Variants in NIBAN2 observed in about 807,000 individuals in gnomAD.
NIBAN2 encodes protein Niban 2.
Under a neutral mutation model 81.8 loss-of-function variants are expected in NIBAN2, and 36 were observed. The ratio of observed to expected loss-of-function variants is 0.44; its 90% CI spans 0.34 to 0.58. The LOEUF is 0.58. Among genes scored for constraint, NIBAN2 ranks in the 20% least tolerant of loss-of-function variants. NIBAN2 has a pLI of 0.02. For missense variants in NIBAN2, 897 were observed against 1,014.1 expected, an observed-to-expected ratio of 0.88 and a Z score of 1.57; for synonymous variants, 445 against 441.6, an observed-to-expected ratio of 1.01 and a Z score of -0.10.
chr9:127,531,594 G>A, intron 2 of NIBAN2, 54 bp downstream of exon 2: 2 of 1,577,054 alleles, frequency 1.3e-6, no homozygotes, highest in South Asian at 2.2e-5. Flanking sequence ...ACTCCCCCGA[G>A]GCCACATGGC....
At chr9:127,541,267 A>G (rs1325376430) in intron 1 of NIBAN2, among the ~76,000 whole-genome samples, 1 of 152,214 alleles carries the variant, frequency 6.6e-6, no homozygotes, top group Non-Finnish European at 1.5e-5. Context: ...GGGCCTTTCT[A>G]CTTTCTACTT....
chr9:127,510,182 G>T lies in NIBAN2; in HGVS notation c.1125C>A (p.Asn375Lys). 1 of 1,613,798 alleles carries T rather than the reference G, an allele frequency of 6.2e-7. No individual in the cohort carries two copies. Among genetic ancestry groups the T allele is most frequent in the Non-Finnish European group, 8.5e-7 (1 of 1,179,784 alleles). ...TGTCAATGCCGCCCTCGTTGATGAC[G>T]TTCAGGTTCATGTCCGTGACCTCCT... ...FFKEVTDMNLNVINEGGIDKL... is the reference protein window; with the variant it reads ...FFKEVTDMNLKVINEGGIDKL... Residue 375 changes from asparagine (N) to lysine (K), a missense_variant, in exon 9 of 14, where the codon AAC becomes AAA. Coordinates refer to ENST00000373312, the MANE Select transcript of NIBAN2 (RefSeq NM_022833.4).
At chr9:127,530,982 C>T (rs1035593739) in intron 2 of NIBAN2, among the ~76,000 whole-genome samples, 1 of 152,082 alleles carries the variant, frequency 6.6e-6, no homozygotes, top group Non-Finnish European at 1.5e-5. Flanking sequence ...GAGTTTGAGA[C>T]CAGCCTGGGC....
Position 127,513,305 on chromosome 9 carries a change from A to G in NIBAN2, c.974-2972T>C, listed in dbSNP as rs189475264. 6.8e-4 allele frequency among the ~76,000 whole-genome samples: 104 copies of G among 152,260 alleles called. 1 individual carries two copies. The East Asian group carries it at 0.013, about 19-fold the overall frequency. ...TACTAGAGGCTGGAGAGGGTAGTCG[A>G]GGGCGAGGGGGAGATGGGAATGGTT... On this transcript the variant is annotated intron_variant, in intron 8 of 13. Coordinates refer to ENST00000373312, the MANE Select transcript of NIBAN2 (RefSeq NM_022833.4).
chr9:127,519,141 C>T (rs1252073146), intron 5 of NIBAN2, among the ~76,000 whole-genome samples: 3 of 135,400 alleles, frequency 2.2e-5, no homozygotes, highest in Non-Finnish European at 4.6e-5. Flanking sequence ...CGCCACTGCA[C>T]TCTAGCCTGG....
chr9:127,518,193 A>T (rs1351989856), intron 5 of NIBAN2, among the ~76,000 whole-genome samples: 1 of 152,034 alleles, frequency 6.6e-6, no homozygotes, highest in Non-Finnish European at 1.5e-5. Context: ...AATCCTCCCA[A>T]CCACCCCAAG....
In NIBAN2 at chr9:127,545,907, G is replaced by C. The variant is rs986070973; in HGVS notation, c.56-14129C>G. 7.9e-5 allele frequency among the ~76,000 whole-genome samples: 12 copies of C among 151,992 alleles called. No homozygotes were observed. The highest frequency in any genetic ancestry group is 2.9e-5 in the Non-Finnish European group (2 of 67,982). ...CCCCGCCTGCCTGGCAGCGGCCCCA[G>C]CCCACAGCCCACAGTGGCAGCTTGT... is the stretch of plus-strand genomic sequence containing the variant. On this transcript the variant is annotated intron_variant, in intron 1 of 13. Transcript: ENST00000373312. This position sits in a 1 kb window ranked among gnomAD's most constrained non-coding sequence, Gnocchi z 4.7.
chr9:127,554,099 G>A (rs1837624337), intron 1 of NIBAN2, among the ~76,000 whole-genome samples: 1 of 152,180 alleles, frequency 6.6e-6, no homozygotes, highest in Non-Finnish European at 1.5e-5. Context: ...GCCACTGGGG[G>A]CTCAGAGGCT....
chr9:127,532,863 T>C (rs1422311050), intron 1 of NIBAN2, among the ~76,000 whole-genome samples: 1 of 151,824 alleles, frequency 6.6e-6, no homozygotes, highest in African/African-American at 2.4e-5. Flanking sequence ...CAAGACCTCA[T>C]CCCTACAAAA....
At chr9:127,512,342 G>A (rs1411984018) in intron 8 of NIBAN2, among the ~76,000 whole-genome samples, 1 of 146,320 alleles carries the variant, frequency 6.8e-6, no homozygotes, top group Non-Finnish European at 1.5e-5. Flanking sequence ...CTGGAGTATA[G>A]TGGCTCGATC....
Position 127,508,314 on chromosome 9 carries a change from G to A in NIBAN2, c.1434+108C>T. The A allele has an allele frequency of 7.6e-7, 1 of 1,317,872 alleles. No homozygotes were observed. The highest frequency in any genetic ancestry group is 1.4e-5 in the African/African-American group (1 of 69,362). 81.6% of individuals were successfully genotyped at this position (1,317,872 alleles called of 1,614,324 possible). A position where few individuals can be genotyped will look rare whatever the true frequency, so the allele number is the denominator to read the frequency against. On this transcript the variant is annotated intron_variant, in intron 11 of 13. Coordinates refer to ENST00000373312, the MANE Select transcript of NIBAN2 (RefSeq NM_022833.4). This position sits in a 1 kb window ranked among gnomAD's most constrained non-coding sequence, Gnocchi z 6.4. ...CTCCGAGTCCTCATCCGCACAAGAG[G>A]ACCATGGCGCCTCCTTGCAGGGACA...
intron 1 of NIBAN2, 50 bp downstream of exon 1, chr9:127,568,770 C>T: frequency 8.0e-7 from 1 of 1,246,582 alleles, no homozygotes; most frequent in Non-Finnish European, 1.0e-6. Context: ...GGGCGTGGTC[C>T]GGGGGTTCCG....
At position 127,508,635 on chromosome 9, in the gene NIBAN2, C is replaced by A. The variant is rs1836665350; in HGVS notation, c.1318-97G>T. 5.7e-6 allele frequency: 6 copies of A among 1,043,896 alleles called. No individual in the cohort carries two copies. Among genetic ancestry groups the A allele is most frequent in the East Asian group, 2.4e-5 (1 of 42,164 alleles). The allele number at this position is 1,043,896 out of a possible 1,614,324, so 64.7% of individuals were successfully genotyped here. A position where few individuals can be genotyped will look rare whatever the true frequency, so the allele number is the denominator to read the frequency against. On this transcript the variant is annotated intron_variant, in intron 10 of 13. Transcript: ENST00000373312. The surrounding 1 kb of genome is among the most constrained non-coding windows in gnomAD (Gnocchi z 6.4). The stretch of plus-strand genomic sequence containing the variant: ...TCCTCATCCTCAACCAGCCCCCCAC[C>A]CCGAGGCCTGCCAGGGAGGAATGGC...
intron 1 of NIBAN2, among the ~76,000 whole-genome samples, chr9:127,547,544 A>C (rs923155110): frequency 7.0e-6 from 1 of 142,348 alleles, no homozygotes; most frequent in African/African-American, 2.7e-5. Flanking sequence ...CAACAACAAC[A>C]AAAAACAGCA....
chr9:127,572,729 A>G (rs375003936), upstream of NIBAN2, among the ~76,000 whole-genome samples: 4 of 151,964 alleles, frequency 2.6e-5, no homozygotes, highest in East Asian at 5.8e-4. Flanking sequence ...AGTTGAATAA[A>G]TTGTTGCGAG....
upstream of NIBAN2, among the ~76,000 whole-genome samples, chr9:127,570,295 G>C (rs1307779116): frequency 6.6e-6 from 1 of 152,164 alleles, no homozygotes; most frequent in African/African-American, 2.4e-5. Context: ...AGTGATGCAG[G>C]CATTCATTCA....
In NIBAN2 at chr9:127,561,139, G is replaced by A. The variant is rs75509050; in HGVS notation, c.55+7681C>T. ...GGCACAGAGTGGATGCTGCTGCGGA[G>A]TGACTGACCTTGCTGGAACCACAGC... On this transcript the variant is annotated intron_variant, in intron 1 of 13. Transcript: ENST00000373312. 1.7e-3 allele frequency: 1,680 copies of A among 985,546 alleles called. 20 individuals are homozygous for A. In the African/African-American group the frequency reaches 0.027, roughly 16 times the overall value. 61.1% of individuals were successfully genotyped at this position (985,546 alleles called of 1,614,324 possible).
upstream of NIBAN2, among the ~76,000 whole-genome samples, chr9:127,573,232 G>T (rs7855070): frequency 0.73 from 110,219 of 151,774 alleles, 40,193 homozygotes; most frequent in Middle Eastern, 0.77. Flanking sequence ...CTTCCTGCAG[G>T]GAAGGAGGGG....
intron 1 of NIBAN2, among the ~76,000 whole-genome samples, chr9:127,549,379 A>T (rs542505449): frequency 6.6e-6 from 1 of 151,158 alleles, no homozygotes; most frequent in East Asian, 1.9e-4. Context: ...TCACATGTGC[A>T]TGCACATGCA....
Sources: allele counts gnomAD v4.1 joint callset (sites outside exome capture counted in the v4.1 genomes callset), GRCh38; gene constraint gnomAD v4.1.1; non-coding constraint Gnocchi (gnomAD v3.1); transcripts MANE v1.5; gene names NCBI Gene and HGNC (gene_info 2026-07-23, HGNC 2026-07-21).